DPP10: variants seen among roughly 807,000 people sequenced by gnomAD.
DPP10 encodes the protein dipeptidyl peptidase like 10, also known as inactive dipeptidyl peptidase 10.
DPP10 carries 33 observed loss-of-function variants against 120.9 expected under a neutral mutation model. That is an observed-to-expected ratio of 0.27 (90% CI 0.21 to 0.37). The LOEUF (loss-of-function observed/expected upper bound fraction) is 0.37. Ranked by LOEUF, DPP10 falls within the 10% of genes least tolerant of loss-of-function variation. The pLI, the probability that DPP10 is intolerant of heterozygous loss-of-function variation, is 1.00. For synonymous variants in DPP10, 337 were observed against 326.1 expected (o/e 1.03, Z -0.36); for missense variants, 816 against 942.8 (o/e 0.87, Z 1.76).
chr2:115,350,393 A>G (rs1200305316), intron 3 of DPP10, among the ~76,000 whole-genome samples: 1 of 152,012 alleles, frequency 6.6e-6, no homozygotes, highest in African/African-American at 2.4e-5. Context: ...CTTTCTGTCT[A>G]TATTTTCCAA....
At position 115,777,935 on chromosome 2, in the gene DPP10, A is replaced by G. The variant is rs567589472; in HGVS notation, c.1361+101A>G. On this transcript the variant is annotated intron_variant, in intron 15 of 25. Coordinates refer to ENST00000410059, the MANE Select transcript of DPP10 (RefSeq NM_020868.6). ...AAAAATTTGAAATGTCTTTTTCAAC[A>G]TGGCTAGGAAGAGCCAACTTTGCTG... is the stretch of plus-strand genomic sequence containing the variant. 1.6e-4 allele frequency: 198 copies of G among 1,265,788 alleles called. No homozygotes were observed. In the East Asian group the frequency reaches 3.7e-3, roughly 23 times the overall value. 78.4% of individuals were successfully genotyped at this position (1,265,788 alleles called of 1,614,324 possible).
chr2:114,499,665 G>A (rs1192292817), intron 1 of DPP10, among the ~76,000 whole-genome samples: 1 of 152,010 alleles, frequency 6.6e-6, no homozygotes, highest in East Asian at 1.9e-4. Flanking sequence ...TTAGTGTCTG[G>A]TAGTAATCCC....
chr2:114,861,778 A>T (rs1689825082), intron 1 of DPP10, among the ~76,000 whole-genome samples: 1 of 152,056 alleles, frequency 6.6e-6, no homozygotes, highest in South Asian at 2.1e-4. Flanking sequence ...ATTTTTTCTG[A>T]TATAACCTCT....
chr2:115,565,739 A>C (rs2080960791), intron 5 of DPP10, among the ~76,000 whole-genome samples: 1 of 139,606 alleles, frequency 7.2e-6, no homozygotes, highest in Non-Finnish European at 1.5e-5. Flanking sequence ...GATTAGGTAG[A>C]GGTTATGGGT....
intron 1 of DPP10, among the ~76,000 whole-genome samples, chr2:114,889,921 C>A (rs1011298507): frequency 6.6e-6 from 1 of 152,164 alleles, no homozygotes; most frequent in Non-Finnish European, 1.5e-5. Flanking sequence ...TTAAAGTCAG[C>A]ATTGATTTGC....
intron 4 of DPP10, among the ~76,000 whole-genome samples, chr2:115,522,795 A>G (rs1452497150): frequency 6.6e-6 from 1 of 152,160 alleles, no homozygotes; most frequent in Admixed American, 6.6e-5. Context: ...GTTGTTAAAT[A>G]TGAAGGTACT....
chr2:114,685,582 T>C (rs1573964512), intron 1 of DPP10, among the ~76,000 whole-genome samples: 1 of 151,998 alleles, frequency 6.6e-6, no homozygotes, highest in Admixed American at 6.6e-5. Flanking sequence ...TGTGCAAAAT[T>C]GAACTCATCT....
At position 114,666,317 on chromosome 2, in the gene DPP10, A is replaced by G. The variant is rs559366724; in HGVS notation, c.60+223479A>G. 2.5e-4 allele frequency among the ~76,000 whole-genome samples: 38 copies of G among 152,338 alleles called. No individual in the cohort carries two copies. The South Asian group carries it at 7.7e-3, about 31-fold the overall frequency. On this transcript the variant is annotated intron_variant, in intron 1 of 25. Transcript: ENST00000410059. ...ACTTTCAAAGTAGGAAAATTTAAAC[A>G]CATTTATTTTCCATTCTATTTTATT...
Position 115,516,574 on chromosome 2 carries a change from G to GTTT in DPP10, c.367-9310_367-9308dup, listed in dbSNP as rs5833606. 2.4e-3 allele frequency among the ~76,000 whole-genome samples: 329 copies of GTTT among 138,234 alleles called. 1 individual carries two copies. Among genetic ancestry groups the GTTT allele is most frequent in the African/African-American group, 7.5e-3 (281 of 37,356 alleles). The allele number at this position is 138,234 out of a possible 152,430, so 90.7% of individuals were successfully genotyped here. A position where few individuals can be genotyped will look rare whatever the true frequency, so the allele number is the denominator to read the frequency against. On this transcript the variant is annotated intron_variant, in intron 4 of 25. Coordinates refer to ENST00000410059, the MANE Select transcript of DPP10 (RefSeq NM_020868.6). ...GAAAACCTGAGCCTTGTTATTCTTT[G>GTTT]TTTTTTTTTTTTTTTTCCAAGTGAA...
In DPP10 at chr2:114,638,618, A is replaced by C. The variant is rs150053175; in HGVS notation, c.60+195780A>C. On this transcript the variant is annotated intron_variant, in intron 1 of 25. Transcript: ENST00000410059. ...CAGAGTGACTTTTATTAAAAAGCCA[A>C]ATAATAACAGATGCTGGTAAGGCTG... is the stretch of plus-strand genomic sequence containing the variant. Among the ~76,000 whole-genome samples the C allele has an allele frequency of 1.1e-3, 172 of 151,958 alleles. 6 individuals are homozygous for C. The East Asian group carries it at 0.026, about 23-fold the overall frequency.
At chr2:115,385,863 A>G (rs967276686) in intron 3 of DPP10, among the ~76,000 whole-genome samples, 3 of 152,190 alleles carry the variant, frequency 2.0e-5, no homozygotes, top group Admixed American at 1.3e-4. Flanking sequence ...GAGGAAAGGT[A>G]TCACATCTTT....
intron 3 of DPP10, among the ~76,000 whole-genome samples, chr2:115,380,149 G>A (rs2066190805): frequency 6.6e-6 from 1 of 152,076 alleles, no homozygotes; most frequent in Admixed American, 6.6e-5. Flanking sequence ...GTTGACAGTG[G>A]GGTGTTAAAG....
intron 1 of DPP10, among the ~76,000 whole-genome samples, chr2:114,673,782 T>A (rs958907078): frequency 6.6e-6 from 1 of 152,144 alleles, no homozygotes; most frequent in Non-Finnish European, 1.5e-5. Flanking sequence ...ATATATAACA[T>A]TTTCTTATTC....
intron 12 of DPP10, among the ~76,000 whole-genome samples, chr2:115,767,606 T>C (rs1022179038): frequency 9.9e-5 from 15 of 151,896 alleles, no homozygotes; most frequent in Non-Finnish European, 1.5e-5. Context: ...GTGGCTTTCA[T>C]CATTTAATTT....
chr2:115,259,335 T>A (rs1047232266), intron 1 of DPP10, among the ~76,000 whole-genome samples: 1 of 151,598 alleles, frequency 6.6e-6, no homozygotes, highest in Non-Finnish European at 1.5e-5. Flanking sequence ...TGCAAAAAAA[T>A]TAGATGGGCC....
At chr2:115,724,004 A>T (rs2092709196) in intron 7 of DPP10, among the ~76,000 whole-genome samples, 1 of 152,188 alleles carries the variant, frequency 6.6e-6, no homozygotes, top group Admixed American at 6.5e-5. Flanking sequence ...CGTTTCAGTA[A>T]TATTTCAGCT....
intron 3 of DPP10, among the ~76,000 whole-genome samples, chr2:115,411,885 A>C (rs1450831071): frequency 6.6e-6 from 1 of 152,140 alleles, no homozygotes; most frequent in African/African-American, 2.4e-5. Flanking sequence ...TTTGGTTCTC[A>C]TGTTCCACCA....
Position 114,626,450 on chromosome 2 carries a change from T to C in DPP10, c.60+183612T>C, listed in dbSNP as rs188421452. Among the ~76,000 whole-genome samples the C allele has an allele frequency of 6.6e-5, 10 of 152,210 alleles. No homozygotes were observed. The South Asian group carries it at 1.0e-3, about 16-fold the overall frequency. On this transcript the variant is annotated intron_variant, in intron 1 of 25. Coordinates refer to ENST00000410059, the MANE Select transcript of DPP10 (RefSeq NM_020868.6). ...TTACATTTAATAATCACATAAACTA[T>C]ATATGTGAACTCAGAGTCAAATCTT...
At chr2:114,745,847 G>A (rs1357964663) in intron 1 of DPP10, among the ~76,000 whole-genome samples, 1 of 152,202 alleles carries the variant, frequency 6.6e-6, no homozygotes, top group African/African-American at 2.4e-5. Flanking sequence ...GGAACTGGCC[G>A]TGTGAGCCTC....
Sources: allele counts gnomAD v4.1 joint callset (sites outside exome capture counted in the v4.1 genomes callset), GRCh38; gene constraint gnomAD v4.1.1; transcripts MANE v1.5; gene names NCBI Gene and HGNC (gene_info 2026-07-23, HGNC 2026-07-21).